The following CRYBB2 variants were observed in gnomAD, a reference collection of about 807,000 sequenced individuals.
CRYBB2 encodes crystallin beta B2, also known as beta-crystallin B2.
Under a neutral mutation model 24.3 loss-of-function variants are expected in CRYBB2, and 12 were observed. That is an observed-to-expected ratio of 0.49 (90% CI 0.32 to 0.80). The LOEUF (loss-of-function observed/expected upper bound fraction) is 0.80, where lower values mean the gene tolerates loss of function less well. Ranked by LOEUF, CRYBB2 falls within the 30% of genes least tolerant of loss-of-function variation. CRYBB2 has a pLI of 0.04. For missense variants in CRYBB2, 198 were observed against 268.5 expected (o/e 0.74, Z 1.83); for synonymous variants, 98 against 101.6 (o/e 0.96, Z 0.21).
At chr22:25,215,409 T>C (rs1269745004), upstream of CRYBB2, among the ~76,000 whole-genome samples, 1 of 152,250 alleles carries the variant, frequency 6.6e-6, no homozygotes, top group East Asian at 1.9e-4. Flanking sequence ...TTAGTTAATC[T>C]ATAATCTATA....
At chr22:25,230,405 C>T (rs1457433179) in intron 5 of CRYBB2, among the ~76,000 whole-genome samples, 1 of 152,008 alleles carries the variant, frequency 6.6e-6, no homozygotes, top group East Asian at 1.9e-4. Flanking sequence ...ACCTGCCTGC[C>T]TCGGCCTCCC....
At chr22:25,218,162 A>G (rs548986132), upstream of CRYBB2, among the ~76,000 whole-genome samples, 122 of 151,944 alleles carry the variant, frequency 8.0e-4, no homozygotes, top group South Asian at 1.5e-3. Flanking sequence ...GGGAGGCTGA[A>G]GGAGGAGAAT....
In CRYBB2 at chr22:25,227,764, C is replaced by A. The variant is rs567714531; in HGVS notation, c.174-89C>A. 28 of 1,606,678 alleles carry A rather than the reference C, an allele frequency of 1.7e-5. No homozygotes were observed. In the African/African-American group the frequency reaches 3.5e-4, roughly 20 times the overall value. On this transcript the variant is annotated intron_variant, in intron 3 of 5. Transcript: ENST00000398215. ...CTTGCCGGGCTGGGCAAGAGTGAAC[C>A]CTAGGGGTCAACATCAGTAGCCAGG...
Position 25,228,098 on chromosome 22 carries a change from A to C in CRYBB2, c.306+113A>C, listed in dbSNP as rs578217752. 53 of 1,514,890 alleles carry C rather than the reference A, an allele frequency of 3.5e-5. 1 individual carries two copies. The African/African-American group carries it at 7.0e-4, about 20-fold the overall frequency. 93.8% of individuals were successfully genotyped at this position (1,514,890 alleles called of 1,614,324 possible). A position where few individuals can be genotyped will look rare whatever the true frequency, so the allele number is the denominator to read the frequency against. ...CCAGGAAGGGGCCCGCCCCTCTAGC[A>C]CTGTGCCCCTTCTGATTGGTGAGGA... On this transcript the variant is annotated intron_variant, in intron 4 of 5. Transcript: ENST00000398215.
chr22:25,212,587 A>G (rs931501357), exon 1 of CRYBB2, among the ~76,000 whole-genome samples: 2 of 152,150 alleles, frequency 1.3e-5, no homozygotes, highest in Non-Finnish European at 2.9e-5. Flanking sequence ...TCCGTCGGAC[A>G]TCTTTGATCT....
intron 1 of CRYBB2, among the ~76,000 whole-genome samples, chr22:25,213,951 G>A (rs577112897): frequency 9.9e-5 from 15 of 152,098 alleles, no homozygotes; most frequent in Non-Finnish European, 1.5e-4. Flanking sequence ...TCCTATGTAG[G>A]CACTGGGGGC....
chr22:25,221,330 G>T (rs887179739), intron 1 of CRYBB2, 74 bp from the exon 2 acceptor site: 1 of 876,350 alleles, frequency 1.1e-6, no homozygotes, highest in Non-Finnish European at 2.0e-6. Flanking sequence ...AGAGGGGAGT[G>T]GTCTCAAGGC....
chr22:25,217,290 C>T (rs1935185588), upstream of CRYBB2, among the ~76,000 whole-genome samples: 1 of 151,998 alleles, frequency 6.6e-6, no homozygotes, highest in African/African-American at 2.4e-5. Context: ...TTTATTACAG[C>T]AGCCCTGGGA....
rs1043261399 is a variant in CRYBB2, at chr22:25,227,992, C to A, written c.306+7C>A. 7 of 1,613,950 alleles carry A rather than the reference C, an allele frequency of 4.3e-6. No individual in the cohort carries two copies. The highest frequency in any genetic ancestry group is 5.9e-6 in the Non-Finnish European group (7 of 1,179,996). Reference sequence around the variant, plus strand: ...CCTGAGGCCCATCAAAGTGGTGAGCCCCCTGCCATCACCCTACTCCCTCTC... The same window carrying A: ...CCTGAGGCCCATCAAAGTGGTGAGCACCCTGCCATCACCCTACTCCCTCTC... On this transcript the variant is annotated splice_region_variant and intron_variant, in intron 4 of 5. Coordinates refer to ENST00000398215, the MANE Select transcript of CRYBB2 (RefSeq NM_000496.3).
intron 2 of CRYBB2, among the ~76,000 whole-genome samples, chr22:25,222,383 T>G (rs1196722510): frequency 6.6e-6 from 1 of 152,140 alleles, no homozygotes; most frequent in Non-Finnish European, 1.5e-5. Flanking sequence ...CTCCTGAGAG[T>G]CACAGTGGTT....
At chr22:25,223,201 A>G (rs1935351144) in intron 2 of CRYBB2, among the ~76,000 whole-genome samples, 2 of 152,176 alleles carry the variant, frequency 1.3e-5, no homozygotes, top group South Asian at 4.1e-4. Context: ...CATTTGATCA[A>G]GATCCCAGTG....
upstream of CRYBB2, among the ~76,000 whole-genome samples, chr22:25,218,818 G>GAAAGAAAGAAAGAAAGAAAGAAAGAAAGA (rs1569016422): frequency 4.6e-5 from 3 of 65,310 alleles, no homozygotes; most frequent in African/African-American, 2.4e-4. Flanking sequence ...AAGAAAGAAA[G>GAAAGAAAGAAAGAAAGAAAGAAAGAAAGA]AAAGAAAGAA....
chr22:25,226,180 G>C (rs988579238), intron 3 of CRYBB2, among the ~76,000 whole-genome samples: 18 of 146,306 alleles, frequency 1.2e-4, no homozygotes, highest in Non-Finnish European at 1.4e-4. Flanking sequence ...GTGTGTGTGT[G>C]TGTGTGTGTG....
chr22:25,225,544 A>G (rs554651683), intron 3 of CRYBB2, among the ~76,000 whole-genome samples: 1 of 152,284 alleles, frequency 6.6e-6, no homozygotes, highest in South Asian at 2.1e-4. Flanking sequence ...CTTGGGGGCC[A>G]GGTCTCTATC....
intron 3 of CRYBB2, among the ~76,000 whole-genome samples, chr22:25,226,168 CTGTGTGTGTGTGTGTGTGTGTG>C (rs3064285): frequency 6.7e-6 from 1 of 149,044 alleles, no homozygotes; most frequent in Non-Finnish European, 1.5e-5. Context: ...TTGGATTTCT[CTGTGTGTGTGTGTGTGTGTGTG>C]TGTGTGTGTG....
At chr22:25,225,781 C>A (rs1016622236) in intron 3 of CRYBB2, among the ~76,000 whole-genome samples, 10 of 152,310 alleles carry the variant, frequency 6.6e-5, no homozygotes, top group Admixed American at 6.5e-4. Context: ...GGGAATTTTG[C>A]AGAGTTCCAT....
At chr22:25,226,931 C>T (rs1243933124) in intron 3 of CRYBB2, among the ~76,000 whole-genome samples, 4 of 152,172 alleles carry the variant, frequency 2.6e-5, no homozygotes, top group African/African-American at 4.8e-5. Flanking sequence ...ACCTCGGCCT[C>T]CCAAAGTGCT....
upstream of CRYBB2, among the ~76,000 whole-genome samples, chr22:25,215,147 A>C (rs1935151704): frequency 6.6e-6 from 1 of 152,240 alleles, no homozygotes; most frequent in African/African-American, 2.4e-5. Flanking sequence ...AACTGGCCAT[A>C]AGCAAAATCT....
intron 3 of CRYBB2, among the ~76,000 whole-genome samples, chr22:25,226,324 T>A (rs896729519): frequency 2.6e-5 from 4 of 152,156 alleles, no homozygotes; most frequent in African/African-American, 9.7e-5. Context: ...TGTTGGTGTT[T>A]TTCAAAGTAG....
Sources: allele counts gnomAD v4.1 joint callset (sites outside exome capture counted in the v4.1 genomes callset), GRCh38; gene constraint gnomAD v4.1.1; transcripts MANE v1.5; gene names NCBI Gene and HGNC (gene_info 2026-07-23, HGNC 2026-07-21).